The following ASAP1 variants were observed in gnomAD, a reference collection of about 807,000 sequenced individuals.
ASAP1 encodes the protein arf-GAP with SH3 domain, ANK repeat and PH domain-containing protein 1.
In ASAP1, 43 loss-of-function variants were observed where a neutral mutation model predicts 145.2. The observed-to-expected ratio is 0.30, with a 90% CI of 0.23 to 0.38. The LOEUF is 0.38. Among genes scored for constraint, ASAP1 ranks in the 10% least tolerant of loss-of-function variants. The probability of loss-of-function intolerance (pLI) is 1.00; values close to 1 mark genes in which losing one functional copy is unlikely to be tolerated. For synonymous variants in ASAP1, 546 were observed against 515.5 expected, an observed-to-expected ratio of 1.06 and a Z score of -0.80; for missense variants, 1,018 against 1,355.3, an observed-to-expected ratio of 0.75 and a Z score of 3.91.
chr8:130,320,792 C>T (rs552832812), intron 3 of ASAP1, among the ~76,000 whole-genome samples: 1 of 152,094 alleles, frequency 6.6e-6, no homozygotes, highest in Non-Finnish European at 1.5e-5. Flanking sequence ...TAGAATTTAC[C>T]AATGGAAAAG....
chr8:130,188,741 A>AAAG (rs1554842807), intron 5 of ASAP1, among the ~76,000 whole-genome samples: 3 of 145,070 alleles, frequency 2.1e-5, no homozygotes, highest in Non-Finnish European at 4.5e-5. Context: ...AAAAAAAAAA[A>AAAG]AAAAGAAAAG....
rs1460363677 is a variant in ASAP1 at position 130,341,216 on chromosome 8, G to A, written c.186+16801C>T. Among the ~76,000 whole-genome samples the A allele has an allele frequency of 3.9e-5, 6 of 152,046 alleles. No homozygotes were observed. The East Asian group carries it at 9.7e-4, about 25-fold the overall frequency. On this transcript the variant is annotated intron_variant, in intron 3 of 29. Transcript: ENST00000518721. ...CAGCTTGCCTGGATGGGTGCAGGGC[G>A]CCAGGAAGGCCACCCTGTTCTCAAA...
chr8:130,418,184 AGTCT>A (rs1244315251), intron 1 of ASAP1, among the ~76,000 whole-genome samples: 1 of 152,082 alleles, frequency 6.6e-6, no homozygotes, highest in African/African-American at 2.4e-5. Flanking sequence ...TAGGAGCATA[AGTCT>A]TTCTTTAATG....
rs375945770 is a variant in ASAP1 at position 130,358,050 on chromosome 8, G to A, written c.153C>T (p.His51=). The A allele has an allele frequency of 7.5e-6, 12 of 1,610,384 alleles. No homozygotes were observed. Among genetic ancestry groups the A allele is most frequent in the African/African-American group, 4.0e-5 (3 of 74,808 alleles). The change falls in exon 3 of 30, where the codon CAC becomes CAT. Residue 51 remains histidine, a synonymous_variant. Transcript: ENST00000518721. The surrounding 1 kb of genome is among the most constrained non-coding windows in gnomAD (Gnocchi z 4.1). ...PTTSSFTTRL[H]NCRNTVTLLE... ...GCAGCGTGACGGTGTTCCTGCAGTT[G>A]TGCAGCCGCGTGGTGAAGCTGGACG...
intron 3 of ASAP1, among the ~76,000 whole-genome samples, chr8:130,268,696 T>C (rs1251963274): frequency 6.6e-6 from 1 of 152,112 alleles, no homozygotes; most frequent in African/African-American, 2.4e-5. Flanking sequence ...AGTGGGATGG[T>C]AGGTGATCTT....
At chr8:130,382,820 C>T (rs2138406553) in intron 2 of ASAP1, among the ~76,000 whole-genome samples, 1 of 148,418 alleles carries the variant, frequency 6.7e-6, no homozygotes, top group South Asian at 2.2e-4. Context: ...GCACTTCAAC[C>T]TGGGCGACAG....
intron 4 of ASAP1, among the ~76,000 whole-genome samples, chr8:130,221,869 T>G (rs1817311917): frequency 6.6e-6 from 1 of 152,152 alleles, no homozygotes; most frequent in Non-Finnish European, 1.5e-5. Flanking sequence ...ATCCTCCCCA[T>G]CTGGAAAATG....
chr8:130,422,930 C>T (rs187307445), intron 1 of ASAP1, among the ~76,000 whole-genome samples: 112 of 152,278 alleles, frequency 7.4e-4, no homozygotes, highest in Non-Finnish European at 1.4e-3. Flanking sequence ...TCTGCTTCAC[C>T]TCCAACACTT....
At chr8:130,098,855 TAC>T (rs1456588646) in intron 24 of ASAP1, among the ~76,000 whole-genome samples, 3 of 152,170 alleles carry the variant, frequency 2.0e-5, no homozygotes, top group Non-Finnish European at 4.4e-5. Context: ...ACAGTCACTC[TAC>T]AGTGTTACAG....
intron 2 of ASAP1, among the ~76,000 whole-genome samples, chr8:130,390,345 G>A (rs970333299): frequency 1.3e-5 from 2 of 152,174 alleles, no homozygotes; most frequent in African/African-American, 4.8e-5. Flanking sequence ...AGTTCTACTG[G>A]AAAGTCTACA....
rs1823987543 is a variant in ASAP1 at position 130,321,266 on chromosome 8, T to C, written c.186+36751A>G. Among the ~76,000 whole-genome samples, 5 of 152,120 alleles carry C rather than the reference T, an allele frequency of 3.3e-5. No homozygotes were observed. In the South Asian group the frequency reaches 1.0e-3, roughly 31 times the overall value. ...GGCCTGGCATTTACAACCCACTCTATAGCCTCATTTATGGTACTCTGCCAC... is the reference window on the plus strand; with the variant it reads ...GGCCTGGCATTTACAACCCACTCTACAGCCTCATTTATGGTACTCTGCCAC... On this transcript the variant is annotated intron_variant, in intron 3 of 29. Coordinates refer to ENST00000518721, the MANE Select transcript of ASAP1 (RefSeq NM_018482.4).
chr8:130,290,957 T>C (rs988059386), intron 3 of ASAP1, among the ~76,000 whole-genome samples: 2 of 152,188 alleles, frequency 1.3e-5, no homozygotes, highest in African/African-American at 4.8e-5. Context: ...CCTTCACAAG[T>C]AGGAGCTACT....
At position 130,387,286 on chromosome 8, in the gene ASAP1, G is replaced by A. The variant is rs999933241; in HGVS notation, c.59+14599C>T. ...AGTGGTGGCTCACACCTGTAATCCCGGCATTTGGGGAGGCCGAGGTGGGCA... is the reference window on the plus strand; with the variant it reads ...AGTGGTGGCTCACACCTGTAATCCCAGCATTTGGGGAGGCCGAGGTGGGCA... On this transcript the variant is annotated intron_variant, in intron 2 of 29. Transcript: ENST00000518721. Among the ~76,000 whole-genome samples the A allele has an allele frequency of 7.2e-5, 11 of 152,218 alleles. 1 individual carries two copies. Among genetic ancestry groups the A allele is most frequent in the South Asian group, 6.2e-4 (3 of 4,826 alleles).
chr8:130,279,697 A>G (rs1381751363), intron 3 of ASAP1, among the ~76,000 whole-genome samples: 2 of 152,198 alleles, frequency 1.3e-5, no homozygotes, highest in East Asian at 3.8e-4. Flanking sequence ...AATATTGTAT[A>G]ATTTCTATAC....
chr8:130,168,807 G>T (rs1386698491), intron 10 of ASAP1, among the ~76,000 whole-genome samples, 185 bp downstream of exon 10: 1 of 152,102 alleles, frequency 6.6e-6, no homozygotes, highest in Non-Finnish European at 1.5e-5. Context: ...GCCCCAGAAG[G>T]ACTCTGGAGC....
intron 7 of ASAP1, 78 bp downstream of exon 7, chr8:130,187,153 CCAGTT>C: frequency 1.2e-5 from 15 of 1,215,216 alleles, no homozygotes; most frequent in Non-Finnish European, 1.7e-5. Flanking sequence ...TGTCCTTTTT[CCAGTT>C]AAGTTTTTTT....
chr8:130,389,684 C>CT (rs1554901751), intron 2 of ASAP1, among the ~76,000 whole-genome samples: 11 of 152,112 alleles, frequency 7.2e-5, no homozygotes, highest in Non-Finnish European at 1.6e-4. Context: ...ACACTGAGCT[C>CT]TTTAGCTTTC....
Position 130,188,166 on chromosome 8 carries a change from G to A in ASAP1, c.423C>T (p.His141=). The A allele has an allele frequency of 6.2e-7, 1 of 1,613,826 alleles. No homozygotes were observed. The change falls in exon 6 of 30, where the codon CAC becomes CAT. Residue 141 remains histidine (H), a synonymous_variant. Transcript: ENST00000518721. ...LLKNLLQGLS[H]NVIFTLDSLL... is the part of the protein sequence containing the mutation. Reference sequence around the variant, plus strand: ...AAGAATCCAAGGTGAAGATCACATTGTGGCTCAAACCCTGGAGCTGAAAAA... The same window carrying A: ...AAGAATCCAAGGTGAAGATCACATTATGGCTCAAACCCTGGAGCTGAAAAA...
chr8:130,057,318 T>C (rs968474136), intron 29 of ASAP1, among the ~76,000 whole-genome samples: 3 of 152,190 alleles, frequency 2.0e-5, no homozygotes, highest in Admixed American at 6.5e-5. Context: ...ACAGGCAACA[T>C]GCTCAACTTT....
Sources: gnomAD v4.1 joint callset for allele counts (sites outside exome capture counted in the v4.1 genomes callset) on GRCh38, gnomAD v4.1.1 for gene constraint, Gnocchi (gnomAD v3.1) non-coding constraint, MANE v1.5 for transcripts, NCBI Gene and HGNC (gene_info 2026-07-23, HGNC 2026-07-21) for gene names.